HCN1: variants seen among roughly 807,000 people sequenced by gnomAD.
HCN1 encodes potassium/sodium hyperpolarization-activated cyclic nucleotide-gated channel 1.
A neutral mutation model predicts 78.9 loss-of-function variants in HCN1; 13 were observed. That is an observed-to-expected ratio of 0.16 (90% confidence interval 0.11 to 0.26). The LOEUF is 0.26. Ranked by LOEUF, HCN1 falls within the 10% of genes least tolerant of loss-of-function variation. The pLI is 1.00. For synonymous variants in HCN1, 552 were observed against 455.5 expected (o/e 1.21, Z -2.70); for missense variants, 810 against 1,154.3 (o/e 0.70, Z 4.32).
chr5:45,402,088 T>C (rs1739825326), intron 3 of HCN1, among the ~76,000 whole-genome samples: 1 of 151,996 alleles, frequency 6.6e-6, no homozygotes, highest in Non-Finnish European at 1.5e-5. Flanking sequence ...TGTGTACATA[T>C]ATAAAATTTT....
At chr5:45,302,308 C>G (rs549222754) in intron 6 of HCN1, among the ~76,000 whole-genome samples, 4 of 151,990 alleles carry the variant, frequency 2.6e-5, no homozygotes, top group African/African-American at 9.7e-5. Context: ...TCTCCTGCTG[C>G]CTGTGAAGAA....
chr5:45,623,962 CATAT>C (rs1745117453), intron 2 of HCN1, among the ~76,000 whole-genome samples: 1 of 152,138 alleles, frequency 6.6e-6, no homozygotes, highest in Admixed American at 6.6e-5. Context: ...CTGGTGAAAG[CATAT>C]TCCTGGCAGA....
intron 4 of HCN1, among the ~76,000 whole-genome samples, chr5:45,374,453 G>C (rs1464165914): frequency 2.0e-5 from 3 of 148,686 alleles, no homozygotes; most frequent in Admixed American, 7.0e-5. Flanking sequence ...GAATCAAGAA[G>C]AAATGTAATC....
At chr5:45,363,558 A>C (rs928167680) in intron 4 of HCN1, among the ~76,000 whole-genome samples, 1 of 151,902 alleles carries the variant, frequency 6.6e-6, no homozygotes, top group Non-Finnish European at 1.5e-5. Flanking sequence ...TATACCCTTC[A>C]TTAGATTTTC....
At chr5:45,318,932 A>G (rs1746063138) in intron 5 of HCN1, among the ~76,000 whole-genome samples, 1 of 151,992 alleles carries the variant, frequency 6.6e-6, no homozygotes, top group African/African-American at 2.4e-5. Context: ...AAAGTCACAT[A>G]AATGAGGTTG....
At chr5:45,411,773 C>T (rs1475690578) in intron 3 of HCN1, among the ~76,000 whole-genome samples, 2 of 152,036 alleles carry the variant, frequency 1.3e-5, no homozygotes. Flanking sequence ...GCATCCCTGA[C>T]TCCTTCAGTA....
chr5:45,341,328 A>G lies in HCN1; in HGVS notation c.1377+11772T>C, dbSNP rs189046467. 6.6e-4 allele frequency among the ~76,000 whole-genome samples: 101 copies of G among 152,352 alleles called. 1 individual carries two copies. The East Asian group carries it at 0.012, about 18-fold the overall frequency. On this transcript the variant is annotated intron_variant, in intron 5 of 7. Transcript: ENST00000303230. Reference sequence around the variant, plus strand: ...AACAATAACCAACATCGTAGACATCACAATTGCTCAGCTTTCACAATTCTG... The same window carrying G: ...AACAATAACCAACATCGTAGACATCGCAATTGCTCAGCTTTCACAATTCTG...
At chr5:45,691,276 C>T (rs1410270070) in intron 1 of HCN1, among the ~76,000 whole-genome samples, 2 of 151,968 alleles carry the variant, frequency 1.3e-5, no homozygotes, top group East Asian at 1.9e-4. Flanking sequence ...TACCTCTTTA[C>T]TGATTCTCAA....
At chr5:45,328,237 G>A (rs577678772) in intron 5 of HCN1, among the ~76,000 whole-genome samples, 3 of 151,468 alleles carry the variant, frequency 2.0e-5, no homozygotes, top group East Asian at 2.0e-4. Flanking sequence ...CGCAGTTTGC[G>A]GTGCCACAGC....
intron 5 of HCN1, among the ~76,000 whole-genome samples, chr5:45,335,409 C>T (rs1251414119): frequency 6.6e-6 from 1 of 152,020 alleles, no homozygotes; most frequent in Non-Finnish European, 1.5e-5. Flanking sequence ...TCTTATGATT[C>T]TAACATTTCA....
At chr5:45,590,838 G>A (rs1297356024) in intron 2 of HCN1, among the ~76,000 whole-genome samples, 5 of 152,080 alleles carry the variant, frequency 3.3e-5, no homozygotes, top group Non-Finnish European at 5.9e-5. Context: ...TGGTTGGTTT[G>A]TTTGTTTTTC....
rs548840719 is a variant in HCN1, at chr5:45,436,303, C to T, written c.1011+25543G>A. 1.4e-3 allele frequency among the ~76,000 whole-genome samples: 214 copies of T among 152,260 alleles called. 2 individuals carry two copies. The highest frequency in any genetic ancestry group is 5.1e-3 in the African/African-American group (211 of 41,558). The stretch of plus-strand genomic sequence containing the variant: ...ACAATGCCAATAATGAATTCCCTAC[C>T]TAAACCCAACTAACTATGTGAATGC... On this transcript the variant is annotated intron_variant, in intron 3 of 7. Transcript: ENST00000303230.
At chr5:45,535,492 G>C (rs1009743121) in intron 2 of HCN1, among the ~76,000 whole-genome samples, 1 of 152,074 alleles carries the variant, frequency 6.6e-6, no homozygotes, top group African/African-American at 2.4e-5. Flanking sequence ...CAGCTACTTG[G>C]GTGGCTGAGG....
At chr5:45,547,850 T>C (rs1376677984) in intron 2 of HCN1, among the ~76,000 whole-genome samples, 3 of 151,982 alleles carry the variant, frequency 2.0e-5, no homozygotes, top group Admixed American at 6.6e-5. Flanking sequence ...CCTTTCAGAC[T>C]GATATTAATC....
chr5:45,327,484 A>T (rs1315119999), intron 5 of HCN1, among the ~76,000 whole-genome samples: 1 of 151,652 alleles, frequency 6.6e-6, no homozygotes, highest in Non-Finnish European at 1.5e-5. Flanking sequence ...GCACATGAGG[A>T]CCTAAGGAAA....
At chr5:45,424,502 G>A (rs2112070719) in intron 3 of HCN1, among the ~76,000 whole-genome samples, 1 of 152,016 alleles carries the variant, frequency 6.6e-6, no homozygotes. Context: ...TCACAACACA[G>A]GAGAGAAAAA....
intron 6 of HCN1, among the ~76,000 whole-genome samples, chr5:45,284,731 C>A (rs1195387921): frequency 6.6e-6 from 1 of 152,060 alleles, no homozygotes; most frequent in Non-Finnish European, 1.5e-5. Context: ...ATGTTAAGAT[C>A]ACAATGTAGG....
At chr5:45,585,548 C>CT (rs1229101442) in intron 2 of HCN1, among the ~76,000 whole-genome samples, 2 of 152,172 alleles carry the variant, frequency 1.3e-5, no homozygotes, top group African/African-American at 4.8e-5. Context: ...CTCCGTCCAG[C>CT]TTTGTTCTGT....
intron 2 of HCN1, among the ~76,000 whole-genome samples, chr5:45,503,190 C>G (rs997804255): frequency 6.6e-6 from 1 of 152,082 alleles, no homozygotes; most frequent in African/African-American, 2.4e-5. Flanking sequence ...CTGCAAACAT[C>G]ACAGATAGGG....
Sources: gnomAD v4.1 joint callset for allele counts (sites outside exome capture counted in the v4.1 genomes callset) on GRCh38, gnomAD v4.1.1 for gene constraint, MANE v1.5 for transcripts, NCBI Gene and HGNC (gene_info 2026-07-23, HGNC 2026-07-21) for gene names.